The following LRRC4C variants were observed in gnomAD, a reference collection of about 807,000 sequenced individuals.
The protein encoded by LRRC4C is leucine rich repeat containing 4C.
In LRRC4C, 5 loss-of-function variants were observed where a neutral mutation model predicts 33.6. The ratio of observed to expected loss-of-function variants is 0.15; its 90% CI spans 0.08 to 0.31. LRRC4C has a LOEUF of 0.31. LRRC4C is among the 10% of genes least tolerant of loss of function. The pLI, the probability that LRRC4C is intolerant of heterozygous loss-of-function variation, is 1.00. For synonymous variants in LRRC4C, 329 were observed against 302.0 expected, an observed-to-expected ratio of 1.09 and a Z score of -0.93; for missense variants, 560 against 796.7, an observed-to-expected ratio of 0.70 and a Z score of 3.58.
At chr11:40,227,121 G>A (rs949174854) in intron 5 of LRRC4C, among the ~76,000 whole-genome samples, 1 of 152,188 alleles carries the variant, frequency 6.6e-6, no homozygotes, top group Non-Finnish European at 1.5e-5. Flanking sequence ...CTCCCTGCAA[G>A]AGTGTAGAAA....
intron 3 of LRRC4C, chr11:40,351,440 C>A (rs1947380075): frequency 6.6e-6 from 1 of 151,944 alleles, no homozygotes; most frequent in Admixed American, 6.6e-5. Context: ...CAGATTAAGT[C>A]TAATGTTTCT....
At chr11:40,517,154 T>A (rs1282063085) in intron 3 of LRRC4C, among the ~76,000 whole-genome samples, 3 of 152,144 alleles carry the variant, frequency 2.0e-5, no homozygotes, top group Admixed American at 2.0e-4. Flanking sequence ...AGAGGCACAA[T>A]CTTGAGAGTC....
intron 1 of LRRC4C, among the ~76,000 whole-genome samples, chr11:40,991,757 C>T (rs1853584036): frequency 6.6e-6 from 1 of 152,120 alleles, no homozygotes; most frequent in South Asian, 2.1e-4. Context: ...AGGGTTTGTG[C>T]TCCTTTGAGA....
intron 3 of LRRC4C, among the ~76,000 whole-genome samples, chr11:40,353,942 G>A (rs920044518): frequency 6.6e-6 from 1 of 152,016 alleles, no homozygotes; most frequent in African/African-American, 2.4e-5. Context: ...GAAGAGTTAG[G>A]TATTTATTGT....
chr11:40,144,254 A>C (rs1857566427), intron 5 of LRRC4C, among the ~76,000 whole-genome samples: 1 of 152,204 alleles, frequency 6.6e-6, no homozygotes, highest in Non-Finnish European at 1.5e-5. Flanking sequence ...CTGAGAGTTA[A>C]TTTCTTTGAA....
chr11:41,409,026 T>A lies in LRRC4C; in HGVS notation c.-496+50405A>T, dbSNP rs1410639149. On this transcript the variant is annotated intron_variant, in intron 1 of 6. Coordinates refer to ENST00000528697, the MANE Select transcript of LRRC4C (RefSeq NM_001258419.2). ...GGTTTCCGGGTCACTGTGTGCAGGGTCACACTGTGTGTAGGGTCACAGAGT... is the reference window on the plus strand; with the variant it reads ...GGTTTCCGGGTCACTGTGTGCAGGGACACACTGTGTGTAGGGTCACAGAGT... Among the ~76,000 whole-genome samples, 5 of 152,260 alleles carry A rather than the reference T, an allele frequency of 3.3e-5. No homozygotes were observed. The East Asian group carries it at 7.8e-4, about 24-fold the overall frequency.
At chr11:40,880,518 C>T (rs377312261) in intron 2 of LRRC4C, among the ~76,000 whole-genome samples, 1 of 138,168 alleles carries the variant, frequency 7.2e-6, no homozygotes, top group Admixed American at 7.6e-5. Context: ...CCTACGAACC[C>T]CTCCACAGAA....
At chr11:40,926,976 A>G (rs1957430101) in intron 2 of LRRC4C, among the ~76,000 whole-genome samples, 1 of 152,218 alleles carries the variant, frequency 6.6e-6, no homozygotes, top group Non-Finnish European at 1.5e-5. Flanking sequence ...GATATTTCCA[A>G]AATGAGTATG....
chr11:40,140,506 T>C (rs959092439), intron 6 of LRRC4C, among the ~76,000 whole-genome samples: 1 of 152,094 alleles, frequency 6.6e-6, no homozygotes, highest in Non-Finnish European at 1.5e-5. Context: ...AATCCCAAGG[T>C]AAGTCATCTC....
chr11:40,374,603 C>G (rs1590504075), intron 3 of LRRC4C, among the ~76,000 whole-genome samples: 1 of 152,220 alleles, frequency 6.6e-6, no homozygotes, highest in Non-Finnish European at 1.5e-5. Context: ...TTCACATTCT[C>G]ATAGTATTCT....
chr11:41,371,469 A>G (rs905430616), intron 1 of LRRC4C, among the ~76,000 whole-genome samples: 1 of 152,182 alleles, frequency 6.6e-6, no homozygotes, highest in Non-Finnish European at 1.5e-5. Flanking sequence ...AGTCAAATCC[A>G]TGTGGTTTAA....
intron 1 of LRRC4C, among the ~76,000 whole-genome samples, chr11:41,389,481 G>A (rs1050437105): frequency 1.3e-5 from 2 of 151,558 alleles, no homozygotes; most frequent in Non-Finnish European, 1.5e-5. Context: ...GGAAAGGGTA[G>A]GCAAGAGATA....
At chr11:40,433,240 A>G (rs915561377) in intron 3 of LRRC4C, among the ~76,000 whole-genome samples, 1 of 152,002 alleles carries the variant, frequency 6.6e-6, no homozygotes, top group African/African-American at 2.4e-5. Flanking sequence ...ATCTCTCTTG[A>G]CATTACATTA....
intron 1 of LRRC4C, among the ~76,000 whole-genome samples, chr11:41,153,949 G>A (rs954319370): frequency 2.0e-5 from 3 of 152,112 alleles, no homozygotes; most frequent in African/African-American, 7.2e-5. Context: ...AGACCACAGA[G>A]GCAGAGATTA....
intron 1 of LRRC4C, among the ~76,000 whole-genome samples, chr11:41,106,703 G>A (rs1046228177): frequency 6.6e-6 from 1 of 151,994 alleles, no homozygotes; most frequent in African/African-American, 2.4e-5. Context: ...AATAGTACGG[G>A]TTGAGTATCC....
intron 1 of LRRC4C, among the ~76,000 whole-genome samples, chr11:41,110,256 T>C (rs948655218): frequency 1.3e-5 from 2 of 152,022 alleles, no homozygotes; most frequent in African/African-American, 4.8e-5. Context: ...ATAATATTAT[T>C]TACTACATGT....
chr11:40,542,940 CTTTTA>C (rs1343553071), intron 3 of LRRC4C, among the ~76,000 whole-genome samples: 9 of 152,064 alleles, frequency 5.9e-5, no homozygotes, highest in African/African-American at 1.9e-4. Flanking sequence ...ACATTTGTTG[CTTTTA>C]TTTTAGTTTA....
intron 3 of LRRC4C, among the ~76,000 whole-genome samples, chr11:40,567,598 T>C (rs1957816368): frequency 6.6e-6 from 1 of 152,188 alleles, no homozygotes; most frequent in Non-Finnish European, 1.5e-5. Context: ...AGATAAGATA[T>C]ATGACTCCTT....
In LRRC4C at chr11:41,280,690, C is replaced by T. The variant is rs372327693; in HGVS notation, c.-496+178741G>A. Among the ~76,000 whole-genome samples, 45 of 152,260 alleles carry T rather than the reference C, an allele frequency of 3.0e-4. No homozygotes were observed. In the East Asian group the frequency reaches 3.9e-3, roughly 13 times the overall value. ...AAAAGTATGCATATTATTGTTCTCT[C>T]CATGTCCTTCTAGTATAGAAATGTC... is the stretch of plus-strand genomic sequence containing the variant. On this transcript the variant is annotated intron_variant, in intron 1 of 6. Transcript: ENST00000528697.
Sources: gnomAD v4.1 joint callset for allele counts (sites outside exome capture counted in the v4.1 genomes callset) on GRCh38, gnomAD v4.1.1 for gene constraint, MANE v1.5 for transcripts, NCBI Gene and HGNC (gene_info 2026-07-23, HGNC 2026-07-21) for gene names.